The following ATP6V0B variants were observed in gnomAD, a reference collection of about 807,000 sequenced individuals.
ATP6V0B encodes ATPase H+ transporting V0 subunit b, also known as V-type proton ATPase 21 kDa proteolipid subunit c''.
In ATP6V0B, 4 loss-of-function variants were observed where a neutral mutation model predicts 26.2. The ratio of observed to expected loss-of-function variants is 0.15; its 90% CI spans 0.08 to 0.35. The LOEUF is 0.35. Among genes scored for constraint, ATP6V0B ranks in the 10% least tolerant of loss-of-function variants. The probability of loss-of-function intolerance (pLI) is 1.00; values close to 1 mark genes in which losing one functional copy is unlikely to be tolerated. For synonymous variants in ATP6V0B, 110 were observed against 105.8 expected, an observed-to-expected ratio of 1.04 and a Z score of -0.24; for missense variants, 175 against 272.5, an observed-to-expected ratio of 0.64 and a Z score of 2.52.
chr1:43,977,252 T>A (rs2085530419), intron 7 of ATP6V0B, 36 bp downstream of exon 7: 2 of 1,614,102 alleles, frequency 1.2e-6, no homozygotes, highest in African/African-American at 2.7e-5. Context: ...TGTGTCCTTG[T>A]CCCCAACCTA....
Position 43,978,136 on chromosome 1 carries a change from G to A in ATP6V0B, c.*129G>A. On this transcript the variant is annotated 3_prime_UTR_variant, in exon 8 of 8. Coordinates refer to ENST00000472174, the MANE Select transcript of ATP6V0B (RefSeq NM_004047.5). ...GCCCTCCCTGCACTCCCCTCTTGCT[G>A]CGTGTTGATTTGGAGGCACTGCAGT... is the stretch of plus-strand genomic sequence containing the variant. 7.2e-7 allele frequency: 1 copy of A among 1,382,400 alleles called. No homozygotes were observed. The highest frequency in any genetic ancestry group is 1.7e-5 in the Admixed American group (1 of 58,874). The allele number at this position is 1,382,400 out of a possible 1,614,324, so 85.6% of individuals were successfully genotyped here.
In ATP6V0B at chr1:43,976,023, G is replaced by A. The variant is rs1313278393; in HGVS notation, c.117-67G>A. The A allele has an allele frequency of 1.3e-6, 2 of 1,564,846 alleles. No individual in the cohort carries two copies. Among genetic ancestry groups the A allele is most frequent in the Non-Finnish European group, 1.8e-6 (2 of 1,135,906 alleles). On this transcript the variant is annotated intron_variant, in intron 2 of 7. Coordinates refer to ENST00000472174, the MANE Select transcript of ATP6V0B (RefSeq NM_004047.5). The surrounding 1 kb of genome is among the most constrained non-coding windows in gnomAD (Gnocchi z 4.6). Reference sequence around the variant, plus strand: ...GTGGTGGGGTTGAAGGGGGTTTGAGGGGTTAAGATTTTGTGCTCCGCTTCC... The same window carrying A: ...GTGGTGGGGTTGAAGGGGGTTTGAGAGGTTAAGATTTTGTGCTCCGCTTCC...
rs535357237 is a variant in ATP6V0B, at chr1:43,976,949, G to T, written c.401-77G>T. Reference sequence around the variant, plus strand: ...TACTTTTTCTGCTTTGCAGAGTGGGGATGGTGATTGGCCCCATTAGCCCAT... The same window carrying T: ...TACTTTTTCTGCTTTGCAGAGTGGGTATGGTGATTGGCCCCATTAGCCCAT... On this transcript the variant is annotated intron_variant, in intron 6 of 7. Coordinates refer to ENST00000472174, the MANE Select transcript of ATP6V0B (RefSeq NM_004047.5). This position sits in a 1 kb window ranked among gnomAD's most constrained non-coding sequence, Gnocchi z 4.6. 3 of 1,601,564 alleles carry T rather than the reference G, an allele frequency of 1.9e-6. No individual in the cohort carries two copies. Among genetic ancestry groups the T allele is most frequent in the African/African-American group, 2.7e-5 (2 of 74,804 alleles).
Position 43,978,156 on chromosome 1 carries a change from T to A in ATP6V0B, c.*149T>A, listed in dbSNP as rs1346898496. 10 of 1,188,612 alleles carry A rather than the reference T, an allele frequency of 8.4e-6. No homozygotes were observed. The highest frequency in any genetic ancestry group is 1.2e-5 in the Non-Finnish European group (10 of 810,036). The allele number at this position is 1,188,612 out of a possible 1,614,324, so 73.6% of individuals were successfully genotyped here. ...TTGCTGCGTGTTGATTTGGAGGCACTGCAGTCCAGGCCGAGTCCTCAGTGC... is the reference window on the plus strand; with the variant it reads ...TTGCTGCGTGTTGATTTGGAGGCACAGCAGTCCAGGCCGAGTCCTCAGTGC... On this transcript the variant is annotated 3_prime_UTR_variant, in exon 8 of 8. Coordinates refer to ENST00000472174, the MANE Select transcript of ATP6V0B (RefSeq NM_004047.5).
In ATP6V0B at chr1:43,976,636, A is replaced by G; in HGVS notation, c.325A>G (p.Ile109Val). Residue 109 changes from isoleucine (I) to valine (V), a missense_variant, in exon 5 of 8, where the codon ATT becomes GTT. By Grantham distance (29) the Ile-to-Val change is conservative. Transcript: ENST00000472174. The surrounding 1 kb of genome is among the most constrained non-coding windows in gnomAD (Gnocchi z 4.6). ...AVAIYGIIMA[I>V]VISNMAEPFS... The stretch of plus-strand genomic sequence containing the variant: ...GGCCATCTACGGCATCATCATGGCA[A>G]TTGTCATTAGCAACATGGCTGAGGT... The G allele has an allele frequency of 6.2e-7, 1 of 1,614,202 alleles. No individual in the cohort carries two copies. The highest frequency in any genetic ancestry group is 8.5e-7 in the Non-Finnish European group (1 of 1,180,038).
chr1:43,977,871 C>T (rs1303663187), intron 7 of ATP6V0B, 110 bp from the exon 8 acceptor site: 19 of 1,611,334 alleles, frequency 1.2e-5, no homozygotes, highest in Non-Finnish European at 1.6e-5. Flanking sequence ...AGTCATATAT[C>T]TCTTGTGGTC....
At chr1:43,975,275 G>C in intron 1 of ATP6V0B, 168 bp downstream of exon 1, 1 of 859,226 alleles carries the variant, frequency 1.2e-6, no homozygotes, top group Admixed American at 2.3e-5. Flanking sequence ...AGGAGACCCG[G>C]ATTTCCAGCT....
At chr1:43,975,996 T>G in intron 2 of ATP6V0B, 94 bp from the exon 3 acceptor site, 1 of 1,528,110 alleles carries the variant, frequency 6.5e-7, no homozygotes, top group Non-Finnish European at 9.1e-7. Flanking sequence ...CCTGTAGAAC[T>G]GGTGGTGGGG....
In ATP6V0B at chr1:43,976,103, A is replaced by G. The variant is rs1160161088; in HGVS notation, c.130A>G (p.Thr44Ala). 5 of 1,613,990 alleles carry G rather than the reference A, an allele frequency of 3.1e-6. No individual in the cohort carries two copies. Among genetic ancestry groups the G allele is most frequent in the Non-Finnish European group, 3.4e-6 (4 of 1,179,954 alleles). Residue 44 changes from threonine (T) to alanine (A), a missense_variant, in exon 3 of 8, where the codon ACT becomes GCT. Coordinates refer to ENST00000472174, the MANE Select transcript of ATP6V0B (RefSeq NM_004047.5). This position sits in a 1 kb window ranked among gnomAD's most constrained non-coding sequence, Gnocchi z 4.6. ...RFDVAWFLTE[T>A]SPFMWSNLGI... ...CTTCCACAACAGGTTCCTGACGGAG[A>G]CTTCGCCCTTCATGTGGTCCAACCT...
Position 43,977,192 on chromosome 1 carries a change from T to G in ATP6V0B, c.567T>G (p.Phe189Leu), listed in dbSNP as rs754010438. 4.3e-6 allele frequency: 7 copies of G among 1,614,098 alleles called. No homozygotes were observed. In the Admixed American group the frequency reaches 1.0e-4, roughly 23 times the overall value. ...VEIFGSAIGLFGVIVAILQTS... is the reference protein window; with the variant it reads ...VEIFGSAIGLLGVIVAILQTS... Reference sequence around the variant, plus strand: ...TCTTTGGCAGCGCCATTGGCCTCTTTGGGGTCATCGTCGCAATTCTTCAGG... The same window carrying G: ...TCTTTGGCAGCGCCATTGGCCTCTTGGGGGTCATCGTCGCAATTCTTCAGG... The change falls in exon 7 of 8, where the codon TTT becomes TTG. Residue 189 changes from phenylalanine to leucine, a missense_variant. Around this residue, in one of 3 missense-constraint regions of ATP6V0B, gnomAD observed 97 missense variants for 158.0 expected, o/e 0.61. Transcript: ENST00000472174.
intron 7 of ATP6V0B, chr1:43,977,658 G>A: frequency 2.1e-6 from 3 of 1,421,780 alleles, no homozygotes; most frequent in South Asian, 3.1e-5. Context: ...TCTAAATTGT[G>A]TGTGTCTAGT....
rs1284839377 is a variant in ATP6V0B at position 43,977,099 on chromosome 1, G to A, written c.474G>A (p.Val158=). Residue 158 remains valine, a synonymous_variant, in exon 7 of 8, where the codon GTG becomes GTA. Coordinates refer to ENST00000472174, the MANE Select transcript of ATP6V0B (RefSeq NM_004047.5). The part of the protein sequence containing the change: ...NLFCGVCVGI[V]GSGAALADAQ... The stretch of plus-strand genomic sequence containing the variant: ...TCTGTGGAGTCTGCGTGGGCATCGT[G>A]GGCAGTGGGGCTGCCCTGGCCGATG... 4 of 1,614,068 alleles carry A rather than the reference G, an allele frequency of 2.5e-6. No individual in the cohort carries two copies. The African/African-American group carries it at 4.0e-5, about 16-fold the overall frequency.
chr1:43,977,244 T>C, intron 7 of ATP6V0B, 28 bp downstream of exon 7: 2 of 1,614,210 alleles, frequency 1.2e-6, no homozygotes, highest in Non-Finnish European at 1.7e-6. Flanking sequence ...GAAGCCTCTG[T>C]GTCCTTGTCC....
Position 43,976,734 on chromosome 1 carries a change from C to T in ATP6V0B, c.349-39C>T. ...CATTCCTTAGAGATTGGATGGGGTG[C>T]ATCAGGATGGTTTCTGATTACTTTT... On this transcript the variant is annotated intron_variant, in intron 5 of 7. Coordinates refer to ENST00000472174, the MANE Select transcript of ATP6V0B (RefSeq NM_004047.5). This position sits in a 1 kb window ranked among gnomAD's most constrained non-coding sequence, Gnocchi z 4.6. 2 of 1,613,698 alleles carry T rather than the reference C, an allele frequency of 1.2e-6. No homozygotes were observed. Among genetic ancestry groups the T allele is most frequent in the South Asian group, 1.1e-5 (1 of 91,042 alleles).
chr1:43,975,468 C>G (rs979186483), intron 1 of ATP6V0B: 2 of 552,602 alleles, frequency 3.6e-6, no homozygotes, highest in Non-Finnish European at 6.4e-6. Context: ...TGCCCTCCCC[C>G]ACCCACAGCT....
chr1:43,976,125 A>C lies in ATP6V0B; in HGVS notation c.152A>C (p.Asn51Thr). ...GAGACTTCGCCCTTCATGTGGTCCA[A>C]CCTGGGCATTGGCCTAGCTATCTCC... Reference protein sequence around the residue: ...LTETSPFMWSNLGIGLAISLS... With the variant: ...LTETSPFMWSTLGIGLAISLS... Residue 51 changes from asparagine (N) to threonine (T), a missense_variant, in exon 3 of 8, where the codon AAC becomes ACC. Asn to Thr is a moderately conservative substitution (Grantham distance 65). This residue lies in a region of ATP6V0B where 75 missense variants were observed against 94.7 expected (regional missense o/e 0.79). Coordinates refer to ENST00000472174, the MANE Select transcript of ATP6V0B (RefSeq NM_004047.5). This position sits in a 1 kb window ranked among gnomAD's most constrained non-coding sequence, Gnocchi z 4.6. 3 of 1,613,964 alleles carry C rather than the reference A, an allele frequency of 1.9e-6. No homozygotes were observed. In the South Asian group the frequency reaches 3.3e-5, roughly 18 times the overall value.
At position 43,976,282 on chromosome 1, in the gene ATP6V0B, GTTT is replaced by G; in HGVS notation, c.201-16_201-14del. The G allele has an allele frequency of 3.1e-6, 5 of 1,613,292 alleles. No homozygotes were observed. Among genetic ancestry groups the G allele is most frequent in the South Asian group, 1.1e-5 (1 of 91,034 alleles). ...GTGACAGCTTGGGCTCTGCTCATCA[GTTT>G]TTTATCCTTCCACCAGGGGCATCTA... On this transcript the variant is annotated splice_polypyrimidine_tract_variant and intron_variant, in intron 3 of 7. Coordinates refer to ENST00000472174, the MANE Select transcript of ATP6V0B (RefSeq NM_004047.5). This position sits in a 1 kb window ranked among gnomAD's most constrained non-coding sequence, Gnocchi z 4.6.
intron 7 of ATP6V0B, 157 bp from the exon 8 acceptor site, chr1:43,977,824 T>C: frequency 6.3e-7 from 1 of 1,577,704 alleles, no homozygotes; most frequent in Non-Finnish European, 8.6e-7. Flanking sequence ...TGTCTGTCCC[T>C]GTCTGCCTTG....
At chr1:43,975,461 C>T (rs1028759268) in intron 1 of ATP6V0B, 21 of 550,046 alleles carry the variant, frequency 3.8e-5, no homozygotes, top group Non-Finnish European at 6.4e-5. Context: ...GTCGCTTTGC[C>T]CTCCCCCACC....
Sources: allele counts gnomAD v4.1 joint callset, GRCh38; gene constraint gnomAD v4.1.1; regional missense constraint gnomAD v4.1.1; non-coding constraint Gnocchi (gnomAD v3.1); transcripts MANE v1.5; gene names NCBI Gene and HGNC (gene_info 2026-07-23, HGNC 2026-07-21).